Variants in SIDT2 observed in about 807,000 individuals in gnomAD.
The protein encoded by SIDT2 is SID1 transmembrane family, member 2.
A neutral mutation model predicts 114.4 loss-of-function variants in SIDT2; 68 were observed. The observed-to-expected ratio is 0.59, with a 90% CI of 0.49 to 0.73. SIDT2 has a LOEUF of 0.73. Ranked by LOEUF, SIDT2 falls within the 30% of genes least tolerant of loss-of-function variation. The probability of loss-of-function intolerance (pLI) is 0.00; values close to 1 mark genes in which losing one functional copy is unlikely to be tolerated. For synonymous variants in SIDT2, 470 were observed against 438.4 expected (o/e 1.07, Z -0.90); for missense variants, 918 against 1,097.1 (o/e 0.84, Z 2.31).
rs764081622 is a variant in SIDT2, at chr11:117,192,286, C to T, written c.1905C>T (p.Ile635=). 6.8e-6 allele frequency: 11 copies of T among 1,611,432 alleles called. No individual in the cohort carries two copies. Among genetic ancestry groups the T allele is most frequent in the Admixed American group, 3.3e-5 (2 of 59,994 alleles). ...VFGKGNTAFW[I]VFSIIHIIAT... ...GCAAAGGGAACACGGCGTTCTGGATCGTCTTCTCCATCATTCACATCATCG... is the reference window on the plus strand; with the variant it reads ...GCAAAGGGAACACGGCGTTCTGGATTGTCTTCTCCATCATTCACATCATCG... The change falls in exon 20 of 26, where the codon ATC becomes ATT. Residue 635 remains isoleucine (I), a synonymous_variant. Transcript: ENST00000324225. The surrounding 1 kb of genome is among the most constrained non-coding windows in gnomAD (Gnocchi z 5.9).
In SIDT2 at chr11:117,186,681, G is replaced by T. The variant is rs776288968; in HGVS notation, c.1015+45G>T. 1.6e-5 allele frequency: 24 copies of T among 1,516,164 alleles called. No individual in the cohort carries two copies. In the South Asian group the frequency reaches 2.9e-4, roughly 18 times the overall value. The allele number at this position is 1,516,164 out of a possible 1,614,324, so 93.9% of individuals were successfully genotyped here. ...GTGGGGCGGGCACAGTGTGCTTTGT[G>T]TTTTGGGGGGTGGTGGTGGATGGTT... On this transcript the variant is annotated intron_variant, in intron 10 of 25. Coordinates refer to ENST00000324225, the MANE Select transcript of SIDT2 (RefSeq NM_001040455.2).
intron 1 of SIDT2, among the ~76,000 whole-genome samples, chr11:117,180,324 C>T (rs2030229434): frequency 6.6e-6 from 1 of 152,128 alleles, no homozygotes; most frequent in Non-Finnish European, 1.5e-5. Flanking sequence ...TGATCTCTTT[C>T]TGCTTAGAGT....
Position 117,186,663 on chromosome 11 carries a change from G to T in SIDT2, c.1015+27G>T, listed in dbSNP as rs371178656. 8 of 1,542,594 alleles carry T rather than the reference G, an allele frequency of 5.2e-6. No individual in the cohort carries two copies. The South Asian group carries it at 1.0e-4, about 20-fold the overall frequency. ...TACCTCCAGGGGGCCTGGGTGGGGC[G>T]GGCACAGTGTGCTTTGTGTTTTGGG... is the stretch of plus-strand genomic sequence containing the variant. On this transcript the variant is annotated intron_variant, in intron 10 of 25. Coordinates refer to ENST00000324225, the MANE Select transcript of SIDT2 (RefSeq NM_001040455.2).
rs1398881260 is a variant in SIDT2, at chr11:117,182,279, G to A, written c.516+174G>A. 1.4e-5 allele frequency: 11 copies of A among 786,174 alleles called. No individual in the cohort carries two copies. In the African/African-American group the frequency reaches 1.7e-4, roughly 12 times the overall value. 48.7% of individuals were successfully genotyped at this position (786,174 alleles called of 1,614,324 possible). ...GGTGAGGGACAGACAGCATGGGACTGTACAGAGACATGGAGTCTGGTTGCC... is the reference window on the plus strand; with the variant it reads ...GGTGAGGGACAGACAGCATGGGACTATACAGAGACATGGAGTCTGGTTGCC... On this transcript the variant is annotated intron_variant, in intron 4 of 25. Coordinates refer to ENST00000324225, the MANE Select transcript of SIDT2 (RefSeq NM_001040455.2).
rs749192423 is a variant in SIDT2 at position 117,190,126 on chromosome 11, T to C, written c.1494-40T>C. 3.1e-5 allele frequency: 50 copies of C among 1,608,092 alleles called. No homozygotes were observed. The African/African-American group carries it at 5.3e-4, about 17-fold the overall frequency. On this transcript the variant is annotated intron_variant, in intron 16 of 25. Transcript: ENST00000324225. The surrounding 1 kb of genome is among the most constrained non-coding windows in gnomAD (Gnocchi z 4.1). Reference sequence around the variant, plus strand: ...ACGTGGGCTAGGGAAGAGGCCTGGGTGTGAGTCCCAAGCAGTCTGCCTTGT... The same window carrying C: ...ACGTGGGCTAGGGAAGAGGCCTGGGCGTGAGTCCCAAGCAGTCTGCCTTGT...
At chr11:117,187,024 A>G (rs1262751366) in intron 10 of SIDT2, 1 of 1,449,822 alleles carries the variant, frequency 6.9e-7, no homozygotes, top group Non-Finnish European at 9.2e-7. Context: ...TGCTGTGGGC[A>G]GAGGAGCTGG....
chr11:117,190,936 A>C lies in SIDT2; in HGVS notation c.1735+196A>C. The C allele has an allele frequency of 1.8e-6, 1 of 565,814 alleles. No individual in the cohort carries two copies. Among genetic ancestry groups the C allele is most frequent in the Non-Finnish European group, 3.2e-6 (1 of 315,602 alleles). 35.0% of individuals were successfully genotyped at this position (565,814 alleles called of 1,614,324 possible). ...TGCTGCTTCATTCATCTGTCAAGCT[A>C]TTCCTATGTAAAGGCATGTGCCGCA... is the stretch of plus-strand genomic sequence containing the variant. On this transcript the variant is annotated intron_variant, in intron 18 of 25. Transcript: ENST00000324225. This position sits in a 1 kb window ranked among gnomAD's most constrained non-coding sequence, Gnocchi z 4.1.
rs867705922 is a variant in SIDT2, at chr11:117,195,890, C to G, written c.2411C>G (p.Ser804Cys). 1 of 1,614,248 alleles carries G rather than the reference C, an allele frequency of 6.2e-7. No homozygotes were observed. Among genetic ancestry groups the G allele is most frequent in the Non-Finnish European group, 8.5e-7 (1 of 1,180,044 alleles). The change falls in exon 25 of 26, where the codon TCC becomes TGC. Residue 804 changes from serine (S) to cysteine (C), a missense_variant. Transcript: ENST00000324225. ...DDHDIWHFLS[S>C]IAMFGSFLVL... Reference sequence around the variant, plus strand: ...CACGACATCTGGCACTTCCTCTCCTCCATCGCCATGTTCGGGTCCTTCCTG... The same window carrying G: ...CACGACATCTGGCACTTCCTCTCCTGCATCGCCATGTTCGGGTCCTTCCTG...
rs528580241 is a variant in SIDT2 at position 117,187,620 on chromosome 11, C to G, written c.1088-8C>G. ...CCTTCCTGCCTCACCACTGATCGTT[C>G]CCCACAGAGAATGTTTCTGGATCTA... On this transcript the variant is annotated splice_region_variant and splice_polypyrimidine_tract_variant and intron_variant, in intron 11 of 25. Coordinates refer to ENST00000324225, the MANE Select transcript of SIDT2 (RefSeq NM_001040455.2). 8 of 1,613,938 alleles carry G rather than the reference C, an allele frequency of 5.0e-6. No homozygotes were observed. Among genetic ancestry groups the G allele is most frequent in the Non-Finnish European group, 5.9e-6 (7 of 1,179,960 alleles).
At position 117,189,206 on chromosome 11, in the gene SIDT2, A is replaced by AG; in HGVS notation, c.1317dup (p.Arg440AlafsTer96). 2.5e-6 allele frequency: 4 copies of AG among 1,614,194 alleles called. No homozygotes were observed. Among genetic ancestry groups the AG allele is most frequent in the Non-Finnish European group, 3.4e-6 (4 of 1,180,036 alleles). On this transcript the variant is annotated frameshift_variant, in exon 14 of 26. Transcript: ENST00000324225. LOFTEE classifies it high-confidence loss of function. ...GTGGCTGACCTGGCACGGAAGGACA[A>AG]GCGTGTTCTGCGGAAAAAGTACCAG... is the stretch of plus-strand genomic sequence containing the variant.
At chr11:117,181,740 C>G (rs1162941593) in intron 2 of SIDT2, 67 bp from the exon 3 acceptor site, 1 of 1,605,022 alleles carries the variant, frequency 6.2e-7, no homozygotes, top group Non-Finnish European at 8.5e-7. Context: ...GGTGGGGCCT[C>G]GCTCCTCTGG....
Position 117,192,188 on chromosome 11 carries a change from A to G in SIDT2, c.1873-66A>G, listed in dbSNP as rs2030727219. ...GCCTGGCTGAGCAGCCAGCCCCAGG[A>G]AGGGTGGGCCATCCGAGCCACTTCC... On this transcript the variant is annotated intron_variant, in intron 19 of 25. Coordinates refer to ENST00000324225, the MANE Select transcript of SIDT2 (RefSeq NM_001040455.2). The surrounding 1 kb of genome is among the most constrained non-coding windows in gnomAD (Gnocchi z 5.9). The G allele has an allele frequency of 1.4e-6, 2 of 1,474,604 alleles. No homozygotes were observed. The highest frequency in any genetic ancestry group is 1.9e-6 in the Non-Finnish European group (2 of 1,056,122). 91.3% of individuals were successfully genotyped at this position (1,474,604 alleles called of 1,614,324 possible).
Position 117,190,502 on chromosome 11 carries a change from A to G in SIDT2, c.1618-121A>G. 1.9e-6 allele frequency: 1 copy of G among 537,770 alleles called. No homozygotes were observed. The highest frequency in any genetic ancestry group is 2.4e-6 in the Non-Finnish European group (1 of 422,034). The allele number at this position is 537,770 out of a possible 1,614,324, so 33.3% of individuals were successfully genotyped here. A position where few individuals can be genotyped will look rare whatever the true frequency, so the allele number is the denominator to read the frequency against. On this transcript the variant is annotated intron_variant, in intron 17 of 25. Transcript: ENST00000324225. This position sits in a 1 kb window ranked among gnomAD's most constrained non-coding sequence, Gnocchi z 4.1. ...CAGGCCAGCCCACCCCTGCACACCC[A>G]CACTCGACACATACCCCACCCCTTT...
At chr11:117,186,432 GCTCCCC>G in intron 9 of SIDT2, 146 bp from the exon 10 acceptor site, 1 of 917,006 alleles carries the variant, frequency 1.1e-6, no homozygotes, top group Non-Finnish European at 1.7e-6. Context: ...ATCCCATGTT[GCTCCCC>G]AGCCTGTGAG....
At position 117,195,991 on chromosome 11, in the gene SIDT2, G is replaced by C. The variant is rs374056535; in HGVS notation, c.2437-13G>C. 1.4e-5 allele frequency: 22 copies of C among 1,614,108 alleles called. No individual in the cohort carries two copies. Among genetic ancestry groups the C allele is most frequent in the Non-Finnish European group, 1.7e-5 (20 of 1,180,056 alleles). ...CCTCCTTCTCTGTGGCTGATCTGGC[G>C]TCCACACCCCAGGTGTTGCTGACAC... On this transcript the variant is annotated splice_polypyrimidine_tract_variant and intron_variant, in intron 25 of 25. Coordinates refer to ENST00000324225, the MANE Select transcript of SIDT2 (RefSeq NM_001040455.2).
Position 117,192,122 on chromosome 11 carries a change from C to A in SIDT2, c.1872+108C>A. 2 of 1,563,554 alleles carry A rather than the reference C, an allele frequency of 1.3e-6. No individual in the cohort carries two copies. The highest frequency in any genetic ancestry group is 1.2e-5 in the South Asian group (1 of 86,316). On this transcript the variant is annotated intron_variant, in intron 19 of 25. Coordinates refer to ENST00000324225, the MANE Select transcript of SIDT2 (RefSeq NM_001040455.2). This position sits in a 1 kb window ranked among gnomAD's most constrained non-coding sequence, Gnocchi z 5.9. ...ACCTCCTGCATGAGAGATTCCTGCT[C>A]CTTCCCTGAGATGCCTTCCTGGGCC...
At chr11:117,184,667 A>G (rs1047733989) in intron 8 of SIDT2, among the ~76,000 whole-genome samples, 1 of 152,180 alleles carries the variant, frequency 6.6e-6, no homozygotes, top group African/African-American at 2.4e-5. Flanking sequence ...TGCTCAATAA[A>G]TATTTACTGA....
intron 15 of SIDT2, 90 bp from the exon 16 acceptor site, chr11:117,189,862 C>T: frequency 8.1e-7 from 1 of 1,227,466 alleles, no homozygotes; most frequent in Non-Finnish European, 1.2e-6. Flanking sequence ...GTGGCACTTG[C>T]TGTTTTTTGC....
Position 117,188,870 on chromosome 11 carries a change from G to A in SIDT2, c.1278+44G>A. The A allele has an allele frequency of 6.4e-7, 1 of 1,558,028 alleles. No individual in the cohort carries two copies. Among genetic ancestry groups the A allele is most frequent in the East Asian group, 2.2e-5 (1 of 44,582 alleles). ...GCCTGGTCAGGCGTTTCCTGAGAAA[G>A]GGACATTCTGCGTTCCCGCCCCAGC... On this transcript the variant is annotated intron_variant, in intron 13 of 25. Coordinates refer to ENST00000324225, the MANE Select transcript of SIDT2 (RefSeq NM_001040455.2). The surrounding 1 kb of genome is among the most constrained non-coding windows in gnomAD (Gnocchi z 4.0).
Sources: allele counts gnomAD v4.1 joint callset (sites outside exome capture counted in the v4.1 genomes callset), GRCh38; gene constraint gnomAD v4.1.1; non-coding constraint Gnocchi (gnomAD v3.1); transcripts MANE v1.5; gene names NCBI Gene and HGNC (gene_info 2026-07-23, HGNC 2026-07-21).